PPP2R2C: variants seen among roughly 807,000 people sequenced by gnomAD.
PPP2R2C encodes the protein protein phosphatase 2, regulatory subunit B, gamma.
A neutral mutation model predicts 45.3 loss-of-function variants in PPP2R2C; 10 were observed. The observed-to-expected ratio is 0.22, with a 90% CI of 0.14 to 0.37. The LOEUF is 0.37. Among genes scored for constraint, PPP2R2C ranks in the 10% least tolerant of loss-of-function variants. The probability of loss-of-function intolerance (pLI) is 1.00; values close to 1 mark genes in which losing one functional copy is unlikely to be tolerated. For missense variants in PPP2R2C, 308 were observed against 619.7 expected, an observed-to-expected ratio of 0.50 and a Z score of 5.34; for synonymous variants, 257 against 245.4, an observed-to-expected ratio of 1.05 and a Z score of -0.44.
chr4:6,382,039 C>T, intron 1 of PPP2R2C: 2 of 1,406,060 alleles, frequency 1.4e-6, no homozygotes, highest in Non-Finnish European at 1.8e-6. Flanking sequence ...GCTCACCAAC[C>T]TGAAGCCTGA....
chr4:6,383,246 C>T, intron 1 of PPP2R2C: 3 of 1,216,076 alleles, frequency 2.5e-6, no homozygotes, highest in Non-Finnish European at 3.1e-6. Flanking sequence ...CCCCCCCAAC[C>T]CCCGGCCAAG....
chr4:6,502,305 T>C (rs1723085018), intron 2 of PPP2R2C, among the ~76,000 whole-genome samples: 1 of 152,160 alleles, frequency 6.6e-6, no homozygotes, highest in African/African-American at 2.4e-5. Flanking sequence ...GGGGAAATCC[T>C]CTGGGACTTC....
chr4:6,406,894 A>T (rs1164756058), intron 1 of PPP2R2C, among the ~76,000 whole-genome samples: 1 of 152,262 alleles, frequency 6.6e-6, no homozygotes, highest in Non-Finnish European at 1.5e-5. Flanking sequence ...TGAGATGAGA[A>T]GATCATTCTG....
At chr4:6,389,246 C>T (rs1195286519) in intron 1 of PPP2R2C, among the ~76,000 whole-genome samples, 2 of 152,164 alleles carry the variant, frequency 1.3e-5, no homozygotes, top group East Asian at 1.9e-4. Flanking sequence ...AAACTCTGGC[C>T]GAGGCCTGCA....
intron 4 of PPP2R2C, 109 bp downstream of exon 4, chr4:6,375,710 A>G (rs1005739410): frequency 2.1e-6 from 2 of 944,804 alleles, no homozygotes; most frequent in African/African-American, 1.7e-5. Context: ...CAGCAGCCCA[A>G]CCAGGGTCTG....
chr4:6,427,665 C>T (rs1015761238), intron 1 of PPP2R2C, among the ~76,000 whole-genome samples: 4 of 152,222 alleles, frequency 2.6e-5, no homozygotes, highest in African/African-American at 9.6e-5. Flanking sequence ...GGCCAGGACT[C>T]ATCAGTATGC....
rs1047747985 is a variant in PPP2R2C, at chr4:6,324,860, G to A, written c.1053-1267C>T. 2.6e-5 allele frequency among the ~76,000 whole-genome samples: 4 copies of A among 152,252 alleles called. No homozygotes were observed. ...AGGGTTTTGGGGTTTGGCCTCTGCA[G>A]GGCCCTGGAGCAGCTGTGAGGTGCA... On this transcript the variant is annotated intron_variant, in intron 8 of 8. Transcript: ENST00000382599. This position sits in a 1 kb window ranked among gnomAD's most constrained non-coding sequence, Gnocchi z 4.1.
intron 5 of PPP2R2C, chr4:6,351,428 C>T (rs1160399832): frequency 1.1e-6 from 1 of 924,744 alleles, no homozygotes; most frequent in South Asian, 5.0e-5. Flanking sequence ...GGCTGAGGGG[C>T]ACGGACACTC....
intron 1 of PPP2R2C, chr4:6,383,105 GCAAA>G (rs1560502188): frequency 1.8e-6 from 2 of 1,097,526 alleles, no homozygotes; most frequent in African/African-American, 1.7e-5. Flanking sequence ...TCGACAAGCC[GCAAA>G]CAGAGATGCA....
At chr4:6,449,304 C>A (rs1040257019) in intron 1 of PPP2R2C, among the ~76,000 whole-genome samples, 1 of 152,366 alleles carries the variant, frequency 6.6e-6, no homozygotes, top group East Asian at 1.9e-4. Flanking sequence ...TCTGTCCCAA[C>A]AAGATGAGAC....
rs1056956262 is a variant in PPP2R2C, at chr4:6,379,000, C to T, written c.169-428G>A. On this transcript the variant is annotated intron_variant, in intron 2 of 8. Coordinates refer to ENST00000382599, the MANE Select transcript of PPP2R2C (RefSeq NM_020416.4). The surrounding 1 kb of genome is among the most constrained non-coding windows in gnomAD (Gnocchi z 5.2). ...CCGTGAGGTCACTCTCCGGCGAGCA[C>T]CCCTCTGCCGAGGCCTGCCTGACGC... is the stretch of plus-strand genomic sequence containing the variant. Among the ~76,000 whole-genome samples the T allele has an allele frequency of 2.0e-5, 3 of 150,692 alleles. No homozygotes were observed. Among genetic ancestry groups the T allele is most frequent in the East Asian group, 2.0e-4 (1 of 4,980 alleles).
chr4:6,377,579 A>C (rs1346872505), intron 3 of PPP2R2C, among the ~76,000 whole-genome samples: 1 of 152,148 alleles, frequency 6.6e-6, no homozygotes, highest in Non-Finnish European at 1.5e-5. Flanking sequence ...AAATTGCTTG[A>C]ACCCGGGAGG....
Position 6,463,057 on chromosome 4 carries a change from C to G in PPP2R2C, c.70+9103G>C, listed in dbSNP as rs1226552694. Among the ~76,000 whole-genome samples the G allele has an allele frequency of 2.6e-5, 4 of 152,164 alleles. No homozygotes were observed. In the South Asian group the frequency reaches 8.3e-4, roughly 31 times the overall value. ...TAAACACTTTGGCCCAGAAGTGGCA[C>G]AAATTTGAAAGTTTGCATCAAAACT... is the stretch of plus-strand genomic sequence containing the variant. On this transcript the variant is annotated intron_variant, in intron 1 of 8. Coordinates refer to ENST00000382599, the MANE Select transcript of PPP2R2C (RefSeq NM_020416.4).
intron 1 of PPP2R2C, among the ~76,000 whole-genome samples, chr4:6,544,710 G>A (rs903209115): frequency 1.3e-5 from 2 of 152,190 alleles, no homozygotes; most frequent in African/African-American, 4.8e-5. Context: ...AAAGGAAGAA[G>A]CATAAGCAAG....
chr4:6,487,098 T>G (rs1722553473), intron 2 of PPP2R2C, among the ~76,000 whole-genome samples: 1 of 152,184 alleles, frequency 6.6e-6, no homozygotes, highest in South Asian at 2.1e-4. Context: ...ATGTCAAATA[T>G]AGATTAAGAT....
chr4:6,335,634 G>A (rs965984461), intron 6 of PPP2R2C, among the ~76,000 whole-genome samples: 1 of 152,032 alleles, frequency 6.6e-6, no homozygotes, highest in Admixed American at 6.6e-5. Flanking sequence ...GGAGGCTGGA[G>A]TCCCCTCCCG....
intron 5 of PPP2R2C, chr4:6,349,768 G>C: frequency 1.4e-6 from 1 of 725,908 alleles, no homozygotes; most frequent in Non-Finnish European, 1.7e-6. Flanking sequence ...GCGTATGCCT[G>C]TAGTCCCAGC....
Position 6,386,489 on chromosome 4 carries a change from C to T in PPP2R2C, c.71-5395G>A, listed in dbSNP as rs556170750. Among the ~76,000 whole-genome samples the T allele has an allele frequency of 5.9e-5, 9 of 152,334 alleles. No homozygotes were observed. In the South Asian group the frequency reaches 1.9e-3, roughly 32 times the overall value. ...CAGGACAGACTTCCAGCAGCTGCAA[C>T]CCAGCCAGGGCTAGAAGAAGTGAAC... is the stretch of plus-strand genomic sequence containing the variant. On this transcript the variant is annotated intron_variant, in intron 1 of 8. Coordinates refer to ENST00000382599, the MANE Select transcript of PPP2R2C (RefSeq NM_020416.4).
At chr4:6,490,892 T>C (rs764993752) in intron 2 of PPP2R2C, among the ~76,000 whole-genome samples, 7 of 152,142 alleles carry the variant, frequency 4.6e-5, no homozygotes, top group African/African-American at 1.2e-4. Context: ...CTTTCACAGA[T>C]GGGAAAACTG....
Sources: allele counts gnomAD v4.1 joint callset (sites outside exome capture counted in the v4.1 genomes callset), GRCh38; gene constraint gnomAD v4.1.1; non-coding constraint Gnocchi (gnomAD v3.1); transcripts MANE v1.5; gene names NCBI Gene and HGNC (gene_info 2026-07-23, HGNC 2026-07-21).